The following PHKB variants were observed in gnomAD, a reference collection of about 807,000 sequenced individuals.
PHKB encodes the protein phosphorylase kinase regulatory subunit beta.
Under a neutral mutation model 152.1 loss-of-function variants are expected in PHKB, and 122 were observed. That is an observed-to-expected ratio of 0.80 (90% CI 0.69 to 0.93). The LOEUF is 0.93. PHKB is among the 40% of genes least tolerant of loss of function. The probability of loss-of-function intolerance (pLI) is 0.00; values close to 1 mark genes in which losing one functional copy is unlikely to be tolerated. For missense variants in PHKB, 1,304 were observed against 1,328.4 expected, an observed-to-expected ratio of 0.98 and a Z score of 0.29; for synonymous variants, 436 against 464.9, an observed-to-expected ratio of 0.94 and a Z score of 0.80.
At chr16:47,642,163 A>C (rs759652945) in intron 16 of PHKB, among the ~76,000 whole-genome samples, 1 of 151,942 alleles carries the variant, frequency 6.6e-6, no homozygotes, top group Admixed American at 6.6e-5. Flanking sequence ...TTTAAAAAAA[A>C]CGTACTCATA....
intron 1 of PHKB, among the ~76,000 whole-genome samples, chr16:47,491,155 C>G (rs557937440): frequency 6.6e-6 from 1 of 152,280 alleles, no homozygotes; most frequent in African/African-American, 2.4e-5. Context: ...GTGCCAGATA[C>G]AGCCAGCATA....
chr16:47,551,004 A>G (rs1220556967), intron 7 of PHKB, among the ~76,000 whole-genome samples: 1 of 152,190 alleles, frequency 6.6e-6, no homozygotes, highest in African/African-American at 2.4e-5. Context: ...TTATTTGCGT[A>G]GAGGTGTTTA....
intron 16 of PHKB, 75 bp from the exon 17 acceptor site, chr16:47,648,458 A>G (rs902425079): frequency 4.9e-6 from 5 of 1,030,694 alleles, no homozygotes; most frequent in African/African-American, 3.1e-5. Flanking sequence ...TCAAAAATTA[A>G]CAGGACAATA....
At chr16:47,499,922 C>G in intron 3 of PHKB, 28 bp downstream of exon 3, 1 of 1,613,764 alleles carries the variant, frequency 6.2e-7, no homozygotes, top group Non-Finnish European at 8.5e-7. Flanking sequence ...CTCCTCGTAA[C>G]TTTGAGAGTG....
At chr16:47,547,365 G>A (rs1157345570) in intron 6 of PHKB, 68 bp from the exon 7 acceptor site, 2 of 945,028 alleles carry the variant, frequency 2.1e-6, no homozygotes, top group Non-Finnish European at 3.4e-6. Flanking sequence ...TTACAGGCAT[G>A]AGCCACCACA....
chr16:47,538,736 A>AT (rs1208060783), intron 6 of PHKB, among the ~76,000 whole-genome samples: 1 of 152,224 alleles, frequency 6.6e-6, no homozygotes, highest in East Asian at 1.9e-4. Context: ...CTAGAAAACA[A>AT]GGAAGCACCA....
intron 4 of PHKB, among the ~76,000 whole-genome samples, chr16:47,506,071 A>G (rs1206405841): frequency 6.6e-6 from 1 of 151,144 alleles, no homozygotes; most frequent in Non-Finnish European, 1.5e-5. Flanking sequence ...AGAAAATAAT[A>G]AGCTGGGCAT....
intron 7 of PHKB, among the ~76,000 whole-genome samples, chr16:47,555,432 C>A (rs1020799321): frequency 6.6e-6 from 1 of 152,162 alleles, no homozygotes. Context: ...AATAGATAGA[C>A]CTATCTTTTC....
At chr16:47,622,731 A>G (rs1309391271) in intron 14 of PHKB, among the ~76,000 whole-genome samples, 1 of 152,210 alleles carries the variant, frequency 6.6e-6, no homozygotes, top group Non-Finnish European at 1.5e-5. Context: ...AATGCTTTTT[A>G]GTCATAAGAG....
chr16:47,502,081 G>A (rs891208800), intron 3 of PHKB, among the ~76,000 whole-genome samples: 8 of 152,154 alleles, frequency 5.3e-5, no homozygotes, highest in African/African-American at 1.7e-4. Flanking sequence ...AATGGTATAT[G>A]CAATCTATGA....
chr16:47,658,232 C>T (rs1331979555), intron 20 of PHKB, among the ~76,000 whole-genome samples: 1 of 152,170 alleles, frequency 6.6e-6, no homozygotes, highest in Non-Finnish European at 1.5e-5. Flanking sequence ...GACCTTTGCA[C>T]TTGCCACTCC....
At chr16:47,498,370 A>C (rs1970268246) in intron 2 of PHKB, among the ~76,000 whole-genome samples, 2 of 152,200 alleles carry the variant, frequency 1.3e-5, no homozygotes, top group African/African-American at 2.4e-5. Flanking sequence ...TTCTGAAAGA[A>C]ATGATTATGA....
chr16:47,513,424 T>C (rs1172311440), intron 5 of PHKB, among the ~76,000 whole-genome samples: 1 of 152,150 alleles, frequency 6.6e-6, no homozygotes, highest in Non-Finnish European at 1.5e-5. Flanking sequence ...AAAATGTTAG[T>C]GTAAGTCTAA....
At chr16:47,667,082 A>G (rs1245311686) in intron 25 of PHKB, among the ~76,000 whole-genome samples, 1 of 152,188 alleles carries the variant, frequency 6.6e-6, no homozygotes, top group Non-Finnish European at 1.5e-5. Context: ...TAGAATAATA[A>G]GCTATTTATT....
chr16:47,579,784 G>C (rs1971811540), intron 7 of PHKB, among the ~76,000 whole-genome samples: 1 of 152,080 alleles, frequency 6.6e-6, no homozygotes, highest in Non-Finnish European at 1.5e-5. Context: ...CAGTTGTTCT[G>C]TGAGCATAAA....
intron 10 of PHKB, chr16:47,590,238 A>G (rs1183703348): frequency 6.6e-6 from 1 of 151,714 alleles, no homozygotes; most frequent in Non-Finnish European, 1.5e-5. Flanking sequence ...TTTAACATAC[A>G]CTTTTGCAGA....
rs140515981 is a variant in PHKB at position 47,683,151 on chromosome 16, A to G, written c.2631-5890A>G. ...TTTTGTCTCAGAGGAGTACCCGGCC[A>G]TGTAAGGTGTCAGTCTGCCCCTACT... is the stretch of plus-strand genomic sequence containing the variant. On this transcript the variant is annotated intron_variant, in intron 26 of 30. Transcript: ENST00000323584. 8.5e-3 allele frequency among the ~76,000 whole-genome samples: 1,296 copies of G among 152,252 alleles called. 22 individuals are homozygous for G. The highest frequency in any genetic ancestry group is 0.029 in the African/African-American group (1,224 of 41,552).
At chr16:47,544,930 G>A (rs1051216482) in intron 6 of PHKB, among the ~76,000 whole-genome samples, 6 of 151,522 alleles carry the variant, frequency 4.0e-5, no homozygotes. Flanking sequence ...GCTTTTTTTT[G>A]TTTTCCATTT....
intron 4 of PHKB, among the ~76,000 whole-genome samples, chr16:47,507,501 G>A (rs1438885266): frequency 6.6e-6 from 1 of 151,856 alleles, no homozygotes; most frequent in African/African-American, 2.4e-5. Flanking sequence ...TACAGTTTGA[G>A]TGTGACCTAA....
Sources: allele counts gnomAD v4.1 joint callset (sites outside exome capture counted in the v4.1 genomes callset), GRCh38; gene constraint gnomAD v4.1.1; transcripts MANE v1.5; gene names NCBI Gene and HGNC (gene_info 2026-07-23, HGNC 2026-07-21).